ADAM2: variants seen among roughly 807,000 people sequenced by gnomAD.
ADAM2 encodes disintegrin and metalloproteinase domain-containing protein 2.
A neutral mutation model predicts 99.3 loss-of-function variants in ADAM2; 101 were observed. The observed-to-expected ratio is 1.02, with a 90% CI of 0.87 to 1.20. ADAM2 has a LOEUF of 1.20. ADAM2 is among the 50% of genes most tolerant of loss of function. ADAM2 has a pLI of 0.00. For synonymous variants in ADAM2, 323 were observed against 287.6 expected (o/e 1.12, Z -1.25); for missense variants, 948 against 878.7 (o/e 1.08, Z -1.00).
chr8:39,826,876 CAAAACTAGACA>C (rs566161374), intron 3 of ADAM2, among the ~76,000 whole-genome samples: 6 of 151,628 alleles, frequency 4.0e-5, no homozygotes, highest in Non-Finnish European at 1.5e-5. Context: ...GTAACAAAAC[CAAAACTAGACA>C]AAAACTAGAC....
At chr8:39,794,700 C>T (rs1014362463) in intron 7 of ADAM2, among the ~76,000 whole-genome samples, 2 of 152,032 alleles carry the variant, frequency 1.3e-5, no homozygotes, top group Admixed American at 6.6e-5. Flanking sequence ...GTCACATACC[C>T]CCTGCTTGCT....
chr8:39,822,081 A>G lies in ADAM2; in HGVS notation c.268-419T>C, dbSNP rs544135814. 9.2e-5 allele frequency among the ~76,000 whole-genome samples: 14 copies of G among 152,280 alleles called. No homozygotes were observed. In the South Asian group the frequency reaches 2.7e-3, roughly 29 times the overall value. On this transcript the variant is annotated intron_variant, in intron 4 of 20. Transcript: ENST00000265708. ...AGTTCATCTTTCTACTGTGATACCT[A>G]AAATCTTAGTTTGTACCACTTTCCA... is the stretch of plus-strand genomic sequence containing the variant.
At chr8:39,814,876 C>T (rs190359132) in intron 6 of ADAM2, among the ~76,000 whole-genome samples, 15 of 150,824 alleles carry the variant, frequency 9.9e-5, no homozygotes, top group Admixed American at 9.9e-4. Context: ...GTGATGATAA[C>T]AAGCTCAAAC....
chr8:39,783,900 G>A (rs745602731), intron 10 of ADAM2, among the ~76,000 whole-genome samples: 56 of 151,818 alleles, frequency 3.7e-4, no homozygotes, highest in Middle Eastern at 3.4e-3. Flanking sequence ...AGTCAAGATC[G>A]CGCCACCCCA....
chr8:39,801,921 C>G (rs1001815406), intron 7 of ADAM2, among the ~76,000 whole-genome samples: 1 of 152,164 alleles, frequency 6.6e-6, no homozygotes, highest in Non-Finnish European at 1.5e-5. Context: ...GCCCTTCCCC[C>G]GCCCAGGGAG....
chr8:39,785,199 AT>A (rs1803414320), intron 10 of ADAM2, among the ~76,000 whole-genome samples: 1 of 152,220 alleles, frequency 6.6e-6, no homozygotes, highest in African/African-American at 2.4e-5. Context: ...ACATTTAAAT[AT>A]TTAATCCATC....
At chr8:39,816,188 T>A (rs967739727) in intron 6 of ADAM2, among the ~76,000 whole-genome samples, 9 of 152,076 alleles carry the variant, frequency 5.9e-5, no homozygotes, top group African/African-American at 2.2e-4. Flanking sequence ...TACCAGCTAC[T>A]CGGGAGGCTG....
rs747836448 is a variant in ADAM2 at position 39,786,999 on chromosome 8, G to A, written c.866C>T (p.Ala289Val). ...GATFQGKMCDANYAGGVVLHP... is the reference protein window; with the variant it reads ...GATFQGKMCDVNYAGGVVLHP... ...CAGAACAACACCTCCTGCATAGTTT[G>A]CATCACACATCTTCCCTTGAAAGGT... The change falls in exon 10 of 21, where the codon GCA becomes GTA. Residue 289 changes from alanine (A) to valine (V), a missense_variant. Ala to Val is a moderately conservative substitution (Grantham distance 64). Transcript: ENST00000265708. 17 of 1,591,206 alleles carry A rather than the reference G, an allele frequency of 1.1e-5. No homozygotes were observed. The East Asian group carries it at 3.2e-4, about 30-fold the overall frequency.
chr8:39,802,758 G>A (rs1242209469), intron 7 of ADAM2, among the ~76,000 whole-genome samples: 1 of 151,064 alleles, frequency 6.6e-6, no homozygotes, highest in African/African-American at 2.4e-5. Flanking sequence ...CTGCAAACCA[G>A]AAAAAAAATA....
chr8:39,800,472 T>A (rs1449561707), intron 7 of ADAM2, among the ~76,000 whole-genome samples: 1 of 152,180 alleles, frequency 6.6e-6, no homozygotes, highest in African/African-American at 2.4e-5. Context: ...TTCCTTCATT[T>A]CAACCTTGGA....
intron 7 of ADAM2, among the ~76,000 whole-genome samples, chr8:39,800,200 GC>G (rs1259181389): frequency 6.6e-6 from 1 of 152,208 alleles, no homozygotes; most frequent in African/African-American, 2.4e-5. Context: ...TCCTTCAGGA[GC>G]TTTTGCAGGA....
At chr8:39,766,090 T>C in intron 14 of ADAM2, among the ~76,000 whole-genome samples, 1 of 152,238 alleles carries the variant, frequency 6.6e-6, no homozygotes, top group Non-Finnish European at 1.5e-5. Context: ...TCAGAGTCCC[T>C]GGATTTTCAT....
At chr8:39,784,846 T>A (rs765721272) in intron 10 of ADAM2, among the ~76,000 whole-genome samples, 1 of 152,242 alleles carries the variant, frequency 6.6e-6, no homozygotes, top group Non-Finnish European at 1.5e-5. Context: ...CATTTGTATG[T>A]CTTCTTTTGA....
intron 10 of ADAM2, among the ~76,000 whole-genome samples, chr8:39,778,682 G>T (rs1440170508): frequency 1.3e-5 from 2 of 152,008 alleles, no homozygotes; most frequent in Admixed American, 6.6e-5. Flanking sequence ...GGAGGACGAG[G>T]AGGAGGAGAA....
intron 7 of ADAM2, among the ~76,000 whole-genome samples, chr8:39,792,778 ATAAGT>A (rs1803774405): frequency 6.6e-6 from 1 of 152,122 alleles, no homozygotes; most frequent in Admixed American, 6.6e-5. Flanking sequence ...GCCTCTGACT[ATAAGT>A]TAAGATTAAA....
At chr8:39,805,609 T>C (rs1804403839) in intron 7 of ADAM2, among the ~76,000 whole-genome samples, 1 of 152,084 alleles carries the variant, frequency 6.6e-6, no homozygotes, top group Non-Finnish European at 1.5e-5. Flanking sequence ...TAATGGGAAT[T>C]TGTGGCATTT....
intron 6 of ADAM2, among the ~76,000 whole-genome samples, chr8:39,814,152 G>A (rs961372048): frequency 6.6e-6 from 1 of 151,966 alleles, no homozygotes; most frequent in Non-Finnish European, 1.5e-5. Context: ...GAGGCCAAGA[G>A]TTCGAGACCA....
intron 18 of ADAM2, 79 bp downstream of exon 18, chr8:39,749,233 G>C (rs1287287844): frequency 2.3e-6 from 3 of 1,314,694 alleles, no homozygotes; most frequent in African/African-American, 3.0e-5. Context: ...TAAATTGGTA[G>C]ACAAAATATT....
chr8:39,824,438 T>C (rs1805319004), intron 4 of ADAM2, among the ~76,000 whole-genome samples: 1 of 152,180 alleles, frequency 6.6e-6, no homozygotes, highest in Non-Finnish European at 1.5e-5. Context: ...GTGTGAAACT[T>C]CATGTGTACT....
Sources: allele counts gnomAD v4.1 joint callset (sites outside exome capture counted in the v4.1 genomes callset), GRCh38; gene constraint gnomAD v4.1.1; transcripts MANE v1.5; gene names NCBI Gene and HGNC (gene_info 2026-07-23, HGNC 2026-07-21).